Variants in IL1RAPL1 observed in about 807,000 individuals in gnomAD.
IL1RAPL1 encodes the protein interleukin 1 receptor accessory protein like 1, also known as interleukin-1 receptor accessory protein-like 1.
IL1RAPL1 carries 3 observed loss-of-function variants against 48.4 expected under a neutral mutation model. That is an observed-to-expected ratio of 0.06 (90% CI 0.03 to 0.16). IL1RAPL1 has a LOEUF of 0.16. Among genes scored for constraint, IL1RAPL1 ranks in the 10% least tolerant of loss-of-function variants. IL1RAPL1 has a pLI of 1.00. For missense variants in IL1RAPL1, 349 were observed against 530.6 expected, an observed-to-expected ratio of 0.66 and a Z score of 3.36; for synonymous variants, 185 against 187.7, an observed-to-expected ratio of 0.99 and a Z score of 0.12.
At chrX:29,509,209 AAACTG>A (rs747267849) in intron 5 of IL1RAPL1, among the ~76,000 whole-genome samples, 169 of 112,274 alleles carry the variant, frequency 1.5e-3, no homozygotes, top group Non-Finnish European at 2.8e-3. Context: ...TCTCAGGTAC[AAACTG>A]AAGCTGCAGT....
chrX:28,649,250 G>A (rs1183057291), intron 1 of IL1RAPL1, among the ~76,000 whole-genome samples: 3 of 112,018 alleles, frequency 2.7e-5, no homozygotes, highest in Non-Finnish European at 3.8e-5. Flanking sequence ...AGGGCCTGCG[G>A]CGGTATTTGG....
chrX:29,246,251 A>T (rs1001276064), intron 2 of IL1RAPL1, among the ~76,000 whole-genome samples: 1 of 105,370 alleles, frequency 9.5e-6, no homozygotes, highest in Non-Finnish European at 1.9e-5. Flanking sequence ...CAAGTGGTTA[A>T]TTAGCCTTCT....
intron 5 of IL1RAPL1, among the ~76,000 whole-genome samples, chrX:29,512,901 T>C (rs1177580789): frequency 8.9e-6 from 1 of 112,019 alleles, no homozygotes; most frequent in Non-Finnish European, 1.9e-5. Flanking sequence ...TTTTCATCTA[T>C]TAGAAATTCT....
chrX:29,648,703 C>T (rs755050971), intron 5 of IL1RAPL1, among the ~76,000 whole-genome samples: 1 of 111,016 alleles, frequency 9.0e-6, no homozygotes, highest in South Asian at 3.7e-4. Context: ...CTTAAATAGC[C>T]TAAGGTTGCA....
intron 5 of IL1RAPL1, among the ~76,000 whole-genome samples, chrX:29,643,638 C>A (rs887158668): frequency 3.6e-5 from 4 of 111,718 alleles, no homozygotes; most frequent in African/African-American, 1.3e-4. Context: ...TCTTATGATA[C>A]AATGGTTGTG....
intron 2 of IL1RAPL1, among the ~76,000 whole-genome samples, chrX:29,127,176 T>C (rs1230883451): frequency 9.0e-6 from 1 of 110,876 alleles, no homozygotes; most frequent in Non-Finnish European, 1.9e-5. Context: ...TCTTTATTAT[T>C]GTCATCATCT....
chrX:28,835,146 T>G (rs1414623448), intron 2 of IL1RAPL1, among the ~76,000 whole-genome samples: 1 of 111,194 alleles, frequency 9.0e-6, no homozygotes, highest in African/African-American at 3.3e-5. Context: ...ATTTAAAAAT[T>G]AGGATATCAC....
In IL1RAPL1 at chrX:28,810,121, A is replaced by G. The variant is rs139682826; in HGVS notation, c.82+20696A>G. Among the ~76,000 whole-genome samples the G allele has an allele frequency of 1.9e-4, 21 of 110,406 alleles. No individual in the cohort carries two copies. The East Asian group carries it at 5.1e-3, about 27-fold the overall frequency. Reference sequence around the variant, plus strand: ...AGAATTAAGTTCGAGATTCCTATTCAGTCTTCGAGTGGCTTTGTCAAGGAG... The same window carrying G: ...AGAATTAAGTTCGAGATTCCTATTCGGTCTTCGAGTGGCTTTGTCAAGGAG... On this transcript the variant is annotated intron_variant, in intron 2 of 10. Coordinates refer to ENST00000378993, the MANE Select transcript of IL1RAPL1 (RefSeq NM_014271.4).
intron 8 of IL1RAPL1, among the ~76,000 whole-genome samples, chrX:29,936,926 A>C (rs776896321): frequency 1.8e-5 from 2 of 112,018 alleles, no homozygotes; most frequent in East Asian, 5.6e-4. Context: ...TTTAAATTGA[A>C]ACAATTTATT....
chrX:28,699,185 C>T (rs1414477649), intron 1 of IL1RAPL1, among the ~76,000 whole-genome samples: 3 of 111,805 alleles, frequency 2.7e-5, no homozygotes, highest in Admixed American at 9.5e-5. Flanking sequence ...GGGTTTCATT[C>T]GAAATTATCT....
At chrX:29,699,654 C>T (rs989885364) in intron 6 of IL1RAPL1, among the ~76,000 whole-genome samples, 2 of 112,338 alleles carry the variant, frequency 1.8e-5, no homozygotes, top group Admixed American at 9.4e-5. Context: ...ATTAGGTCTT[C>T]ACTTTCTCTT....
intron 6 of IL1RAPL1, among the ~76,000 whole-genome samples, chrX:29,791,979 C>T (rs1929648905): frequency 9.0e-6 from 1 of 110,557 alleles, no homozygotes; most frequent in South Asian, 3.8e-4. Flanking sequence ...GATTTGCCCT[C>T]CTCGGCCTCC....
At chrX:29,645,274 G>A (rs780634808) in intron 5 of IL1RAPL1, among the ~76,000 whole-genome samples, 1 of 111,674 alleles carries the variant, frequency 9.0e-6, no homozygotes, top group East Asian at 2.8e-4. Context: ...AACTATCCAT[G>A]CATGAAAACA....
intron 1 of IL1RAPL1, among the ~76,000 whole-genome samples, chrX:28,721,433 A>T (rs1935577632): frequency 1.8e-5 from 2 of 110,920 alleles, no homozygotes; most frequent in African/African-American, 3.3e-5. Flanking sequence ...CCACTTTTTG[A>T]TGGGGTTGTT....
chrX:28,800,795 G>T (rs1392718376), intron 2 of IL1RAPL1, among the ~76,000 whole-genome samples: 1 of 110,763 alleles, frequency 9.0e-6, no homozygotes, highest in African/African-American at 3.3e-5. Flanking sequence ...GTTTTAAAAA[G>T]TATATATTGT....
intron 2 of IL1RAPL1, among the ~76,000 whole-genome samples, chrX:28,970,968 G>GTA (rs1364224550): frequency 1.8e-5 from 2 of 111,257 alleles, no homozygotes; most frequent in African/African-American, 3.3e-5. Flanking sequence ...TTTATATGTA[G>GTA]TATATATATA....
intron 3 of IL1RAPL1, among the ~76,000 whole-genome samples, chrX:29,389,355 CA>C (rs55950108): frequency 0.39 from 20,400 of 52,096 alleles, 2,312 homozygotes; most frequent in Middle Eastern, 0.52. Context: ...GACTCCATCT[CA>C]AAAAAAAAAA....
intron 2 of IL1RAPL1, among the ~76,000 whole-genome samples, chrX:29,084,316 T>A (rs1386086122): frequency 8.9e-6 from 1 of 112,407 alleles, no homozygotes; most frequent in African/African-American, 3.2e-5. Context: ...GTAATTTTTT[T>A]ATCAATGACA....
At chrX:29,686,545 T>A (rs774053093) in intron 6 of IL1RAPL1, among the ~76,000 whole-genome samples, 23 of 99,788 alleles carry the variant, frequency 2.3e-4, no homozygotes, top group Admixed American at 2.2e-3. Flanking sequence ...ATTTATTTAT[T>A]TATTTATTTA....
Sources: gnomAD v4.1 joint callset for allele counts (sites outside exome capture counted in the v4.1 genomes callset) on GRCh38, gnomAD v4.1.1 for gene constraint, MANE v1.5 for transcripts, NCBI Gene and HGNC (gene_info 2026-07-23, HGNC 2026-07-21) for gene names.